Variants in SLC6A4 observed in about 807,000 individuals in gnomAD.
SLC6A4 encodes sodium-dependent serotonin transporter.
A neutral mutation model predicts 73.4 loss-of-function variants in SLC6A4; 22 were observed. The observed-to-expected ratio is 0.30, with a 90% CI of 0.21 to 0.43. The LOEUF is 0.43. Ranked by LOEUF, SLC6A4 falls within the 20% of genes least tolerant of loss-of-function variation. The pLI is 1.00. For missense variants in SLC6A4, 593 were observed against 808.5 expected, an observed-to-expected ratio of 0.73 and a Z score of 3.23; for synonymous variants, 270 against 315.5, an observed-to-expected ratio of 0.86 and a Z score of 1.53.
chr17:30,230,610 G>T (rs1567824399), intron 1 of SLC6A4, among the ~76,000 whole-genome samples: 2 of 152,156 alleles, frequency 1.3e-5, no homozygotes, highest in Non-Finnish European at 2.9e-5. Flanking sequence ...TGCTGAGCAA[G>T]GCGGAAGAGG....
At chr17:30,214,988 T>TTTCCTTCC (rs901442287) in intron 8 of SLC6A4, among the ~76,000 whole-genome samples, 16 of 131,760 alleles carry the variant, frequency 1.2e-4, no homozygotes, top group African/African-American at 4.3e-4. Flanking sequence ...TTTCTTTTTC[T>TTTCCTTCC]TTCCTTCCTT....
chr17:30,235,680 C>A lies in SLC6A4; in HGVS notation c.-288G>T. The A allele has an allele frequency of 6.6e-6, 1 of 152,394 alleles. No homozygotes were observed. The highest frequency in any genetic ancestry group is 1.5e-5 in the Non-Finnish European group (1 of 68,150). 9.4% of individuals were successfully genotyped at this position (152,394 alleles called of 1,614,324 possible). ...GGGCTGGCCTCGCGCCCTCGAGGCACCCGGCGGCGCTGGCTGTGCGGAGGG... is the reference window on the plus strand; with the variant it reads ...GGGCTGGCCTCGCGCCCTCGAGGCAACCGGCGGCGCTGGCTGTGCGGAGGG... On this transcript the variant is annotated 5_prime_UTR_variant, in exon 1 of 15. Coordinates refer to ENST00000650711, the MANE Select transcript of SLC6A4 (RefSeq NM_001045.6). This position sits in a 1 kb window ranked among gnomAD's most constrained non-coding sequence, Gnocchi z 4.5.
chr17:30,214,893 A>G (rs926715102), intron 8 of SLC6A4, among the ~76,000 whole-genome samples: 2 of 151,558 alleles, frequency 1.3e-5, no homozygotes, highest in African/African-American at 4.9e-5. Flanking sequence ...TCGGCCTCCC[A>G]AAGTGTTGAG....
chr17:30,206,733 T>TTTC, intron 13 of SLC6A4, among the ~76,000 whole-genome samples: 1 of 145,562 alleles, frequency 6.9e-6, no homozygotes, highest in Non-Finnish European at 1.5e-5. Flanking sequence ...TTTTTTTTTT[T>TTTC]TTTGAGACAG....
At chr17:30,222,691 G>T in intron 2 of SLC6A4, 128 bp downstream of exon 2, 1 of 754,462 alleles carries the variant, frequency 1.3e-6, no homozygotes. Flanking sequence ...TCGTCTTTTA[G>T]CCCCTAGGAA....
At chr17:30,200,901 C>T (rs1281499173) in intron 14 of SLC6A4, among the ~76,000 whole-genome samples, 1 of 152,090 alleles carries the variant, frequency 6.6e-6, no homozygotes, top group African/African-American at 2.4e-5. Context: ...CATGCCTCGG[C>T]CTCCTGAGAA....
intron 1 of SLC6A4, among the ~76,000 whole-genome samples, chr17:30,230,098 G>GAAGAGGAA (rs1555591454): frequency 2.0e-4 from 18 of 89,618 alleles, no homozygotes; most frequent in South Asian, 8.0e-4. Flanking sequence ...AAGAAGAAGA[G>GAAGAGGAA]GAGGAAGAGG....
At chr17:30,203,490 C>T in intron 13 of SLC6A4, 151 bp from the exon 14 acceptor site, 1 of 665,168 alleles carries the variant, frequency 1.5e-6, no homozygotes, top group South Asian at 2.0e-5. Flanking sequence ...CTCTGACACA[C>T]AGAATTACCA....
At chr17:30,229,019 C>T (rs538006612) in intron 1 of SLC6A4, among the ~76,000 whole-genome samples, 43 of 152,192 alleles carry the variant, frequency 2.8e-4, no homozygotes, top group Non-Finnish European at 5.3e-4. Flanking sequence ...TCTTTCTCTC[C>T]TCCCTGGAGT....
At chr17:30,233,203 G>A (rs1442295900) in intron 1 of SLC6A4, among the ~76,000 whole-genome samples, 1 of 152,176 alleles carries the variant, frequency 6.6e-6, no homozygotes, top group Non-Finnish European at 1.5e-5. Context: ...ATGTTCCATG[G>A]AACACCGCAA....
Position 30,212,820 on chromosome 17 carries a change from G to A in SLC6A4, c.1124C>T (p.Ser375Leu), listed in dbSNP as rs1196104137. 14 of 1,614,004 alleles carry A rather than the reference G, an allele frequency of 8.7e-6. No homozygotes were observed. In the Admixed American group the frequency reaches 1.8e-4, roughly 21 times the overall value. ...SVVNCMTSFV[S>L]GFVIFTVLGY... ...GAGCACTGTGAAGATGACAAATCCC[G>A]AAACGAAGCTCGTCATGCAGTTCAC... The change falls in exon 9 of 15, where the codon TCG (serine) becomes TTG (leucine). Residue 375 changes from serine (S) to leucine (L), a missense_variant. Ser to Leu is a moderately radical substitution (Grantham distance 145, BLOSUM62 -2). Coordinates refer to ENST00000650711, the MANE Select transcript of SLC6A4 (RefSeq NM_001045.6).
intron 1 of SLC6A4, among the ~76,000 whole-genome samples, chr17:30,227,170 C>G (rs1906955625): frequency 6.6e-6 from 1 of 152,212 alleles, no homozygotes; most frequent in Non-Finnish European, 1.5e-5. Flanking sequence ...GCTGATCCTT[C>G]CTTGCAGGCT....
intron 5 of SLC6A4, 85 bp from the exon 6 acceptor site, chr17:30,217,389 C>G (rs56263627): frequency 7.3e-7 from 1 of 1,375,870 alleles, no homozygotes; most frequent in African/African-American, 1.5e-5. Flanking sequence ...TGAGGGTGCC[C>G]GGGACAAATG....
At position 30,216,182 on chromosome 17, in the gene SLC6A4, A is replaced by G. The variant is rs1906566063; in HGVS notation, c.872T>C (p.Ile291Thr). 1 of 1,591,882 alleles carries G rather than the reference A, an allele frequency of 6.3e-7. No homozygotes were observed. Among genetic ancestry groups the G allele is most frequent in the East Asian group, 2.3e-5 (1 of 43,028 alleles). Residue 291 changes from isoleucine (I) to threonine (T), a missense_variant, in exon 7 of 15, where the codon ATC (isoleucine) becomes ACC (threonine). Ile to Thr is a moderately conservative substitution (Grantham distance 89). Transcript: ENST00000650711. Reference sequence around the variant, plus strand: ...ACCCCTCACCAGCAGGACAGAAAGGATGATATAAGGGAAGGTGGCTGTCAC... The same window carrying G: ...ACCCCTCACCAGCAGGACAGAAAGGGTGATATAAGGGAAGGTGGCTGTCAC... Reference protein sequence around the residue: ...VWVTATFPYIILSVLLVRGAT... With the variant: ...VWVTATFPYITLSVLLVRGAT...
chr17:30,218,302 T>A lies in SLC6A4; in HGVS notation c.514A>T (p.Ile172Phe), dbSNP rs1448474106. ...ATGATGGTGTTGTAGTAGGAAGCAA[T>A]GTAAAAGGCAATGATGCAGATGGCA... is the stretch of plus-strand genomic sequence containing the variant. ...GYAICIIAFY[I>F]ASYYNTIMAW... Residue 172 changes from isoleucine to phenylalanine, a missense_variant, in exon 5 of 15, where the codon ATT becomes TTT. Ile to Phe is a conservative substitution (Grantham distance 21). Coordinates refer to ENST00000650711, the MANE Select transcript of SLC6A4 (RefSeq NM_001045.6). 1 of 1,613,774 alleles carries A rather than the reference T, an allele frequency of 6.2e-7. No homozygotes were observed. The highest frequency in any genetic ancestry group is 1.7e-5 in the Admixed American group (1 of 59,978).
At chr17:30,213,734 CATTTATTT>C (rs10554393) in intron 8 of SLC6A4, among the ~76,000 whole-genome samples, 37 of 150,476 alleles carry the variant, frequency 2.5e-4, no homozygotes, top group Middle Eastern at 3.4e-3. Flanking sequence ...TGATGGGTGA[CATTTATTT>C]ATTTATTTAT....
In SLC6A4 at chr17:30,209,347, C is replaced by G. The variant is rs574702369; in HGVS notation, c.1450-105G>C. 42 of 730,566 alleles carry G rather than the reference C, an allele frequency of 5.7e-5. No individual in the cohort carries two copies. In the African/African-American group the frequency reaches 6.4e-4, roughly 11 times the overall value. 45.3% of individuals were successfully genotyped at this position (730,566 alleles called of 1,614,324 possible). ...TCACTTAGAATCATTCTGGAAAAATCCCACCTGGGACCGAACGTGAGTACC... is the reference window on the plus strand; with the variant it reads ...TCACTTAGAATCATTCTGGAAAAATGCCACCTGGGACCGAACGTGAGTACC... On this transcript the variant is annotated intron_variant, in intron 11 of 14. Coordinates refer to ENST00000650711, the MANE Select transcript of SLC6A4 (RefSeq NM_001045.6).
chr17:30,209,062 T>A, intron 12 of SLC6A4, 81 bp downstream of exon 12: 1 of 966,480 alleles, frequency 1.0e-6, no homozygotes, highest in Non-Finnish European at 1.6e-6. Context: ...CCTCACAGCC[T>A]TTTTTGGTGA....
chr17:30,230,078 G>T (rs573599035), intron 1 of SLC6A4, among the ~76,000 whole-genome samples: 1 of 121,442 alleles, frequency 8.2e-6, no homozygotes, highest in African/African-American at 4.3e-5. Flanking sequence ...AGAAGAAGAA[G>T]AAGAAGAAGA....
Sources: gnomAD v4.1 joint callset for allele counts (sites outside exome capture counted in the v4.1 genomes callset) on GRCh38, gnomAD v4.1.1 for gene constraint, Gnocchi (gnomAD v3.1) non-coding constraint, MANE v1.5 for transcripts, NCBI Gene and HGNC (gene_info 2026-07-23, HGNC 2026-07-21) for gene names.